MYO1E: variants seen among roughly 807,000 people sequenced by gnomAD.
The protein encoded by MYO1E is unconventional myosin-Ie.
In MYO1E, 68 loss-of-function variants were observed where a neutral mutation model predicts 151.1. That is an observed-to-expected ratio of 0.45 (90% confidence interval 0.37 to 0.55). MYO1E has a LOEUF of 0.55. Ranked by LOEUF, MYO1E falls within the 20% of genes least tolerant of loss-of-function variation. The pLI, the probability that MYO1E is intolerant of heterozygous loss-of-function variation, is 0.00. For synonymous variants in MYO1E, 601 were observed against 501.7 expected (o/e 1.20, Z -2.64); for missense variants, 1,363 against 1,389.3 (o/e 0.98, Z 0.30).
Position 59,161,037 on chromosome 15 carries a change from C to T in MYO1E, c.2785+36G>A, listed in dbSNP as rs7182408. On this transcript the variant is annotated intron_variant, in intron 24 of 27. Coordinates refer to ENST00000288235, the MANE Select transcript of MYO1E (RefSeq NM_004998.4). ...TTGCTCGGGAGACTCGGGGGAGCGGCGGCAGTTCTGCCTGCAGGGCCCGTG... is the reference window on the plus strand; with the variant it reads ...TTGCTCGGGAGACTCGGGGGAGCGGTGGCAGTTCTGCCTGCAGGGCCCGTG... 0.11 allele frequency: 175,712 copies of T among 1,611,058 alleles called. 10,117 individuals are homozygous for T. The highest frequency in any genetic ancestry group is 0.15 in the African/African-American group (11,148 of 74,866).
At chr15:59,143,699 G>A (rs1323985608) in intron 26 of MYO1E, among the ~76,000 whole-genome samples, 1 of 152,306 alleles carries the variant, frequency 6.6e-6, no homozygotes, top group East Asian at 1.9e-4. Flanking sequence ...GATGACTGAT[G>A]CAGGCTCCTG....
intron 5 of MYO1E, among the ~76,000 whole-genome samples, chr15:59,236,363 A>AAT (rs1344132868): frequency 6.6e-5 from 4 of 60,816 alleles, no homozygotes; most frequent in African/African-American, 1.4e-4. Context: ...AAAAAAAAAA[A>AAT]ATATATACAC....
At chr15:59,215,507 G>A (rs985423681) in intron 10 of MYO1E, among the ~76,000 whole-genome samples, 1 of 152,096 alleles carries the variant, frequency 6.6e-6, no homozygotes, top group Non-Finnish European at 1.5e-5. Context: ...CAATTCATGG[G>A]AACAGATGTA....
In MYO1E at chr15:59,276,477, G is replaced by A. The variant is rs115638928; in HGVS notation, c.4-4028C>T. ...AACGTAATAATAACAATAATGAAAA[G>A]TTACTCTTATCCCTGACACTTCCTA... is the stretch of plus-strand genomic sequence containing the variant. On this transcript the variant is annotated intron_variant, in intron 1 of 27. Transcript: ENST00000288235. 5.5e-3 allele frequency among the ~76,000 whole-genome samples: 843 copies of A among 152,252 alleles called. 8 individuals carry two copies. Among genetic ancestry groups the A allele is most frequent in the African/African-American group, 0.02 (813 of 41,542 alleles).
intron 14 of MYO1E, chr15:59,207,079 G>A (rs199634698): frequency 1.9e-6 from 3 of 1,614,222 alleles, no homozygotes; most frequent in East Asian, 2.2e-5. Context: ...CTTCACCCCC[G>A]TGAGCAAGAT....
At chr15:59,317,746 G>T (rs2080598376) in intron 1 of MYO1E, among the ~76,000 whole-genome samples, 1 of 152,170 alleles carries the variant, frequency 6.6e-6, no homozygotes, top group Non-Finnish European at 1.5e-5. Flanking sequence ...AGGGCCTAGG[G>T]GTGCTAAAGA....
intron 1 of MYO1E, among the ~76,000 whole-genome samples, chr15:59,293,751 C>A (rs998289627): frequency 1.3e-5 from 2 of 152,028 alleles, no homozygotes; most frequent in Non-Finnish European, 2.9e-5. Flanking sequence ...ACAAAAAACC[C>A]TGATATATGG....
At chr15:59,227,760 G>A (rs1289579386) in intron 6 of MYO1E, among the ~76,000 whole-genome samples, 170 bp from the exon 7 acceptor site, 1 of 152,136 alleles carries the variant, frequency 6.6e-6, no homozygotes, top group Admixed American at 6.5e-5. Context: ...ACAATAACCC[G>A]TGCTTTTGTC....
intron 14 of MYO1E, chr15:59,207,654 C>A (rs1461809070): frequency 2.5e-6 from 4 of 1,614,094 alleles, no homozygotes; most frequent in East Asian, 4.5e-5. Flanking sequence ...ATGGATGGAT[C>A]CTCGGAGAGC....
intron 1 of MYO1E, among the ~76,000 whole-genome samples, chr15:59,332,101 C>T (rs1169720034): frequency 2.0e-5 from 3 of 152,170 alleles, no homozygotes; most frequent in Non-Finnish European, 4.4e-5. Flanking sequence ...AGTAACTTAG[C>T]TTTTCCTTCC....
chr15:59,316,340 T>A (rs554299646), intron 1 of MYO1E, among the ~76,000 whole-genome samples: 153 of 152,290 alleles, frequency 1.0e-3, no homozygotes, highest in African/African-American at 3.6e-3. Context: ...TCCCTTGGCT[T>A]TGAAAAGCTT....
intron 7 of MYO1E, 50 bp downstream of exon 7, chr15:59,227,409 A>G: frequency 6.2e-7 from 1 of 1,608,262 alleles, no homozygotes; most frequent in South Asian, 1.1e-5. Context: ...GAAATATTTT[A>G]ATGTAGAGAA....
At chr15:59,328,757 T>G (rs909840006) in intron 1 of MYO1E, among the ~76,000 whole-genome samples, 1 of 152,064 alleles carries the variant, frequency 6.6e-6, no homozygotes, top group African/African-American at 2.4e-5. Context: ...ATGCAAGGCC[T>G]ATAGAGTTAA....
chr15:59,308,187 C>A (rs1413354740), intron 1 of MYO1E, among the ~76,000 whole-genome samples: 3 of 131,822 alleles, frequency 2.3e-5, no homozygotes, highest in Non-Finnish European at 4.7e-5. Flanking sequence ...CATGCCACTG[C>A]ACTCCAGCTT....
At chr15:59,308,140 C>G (rs140151316) in intron 1 of MYO1E, among the ~76,000 whole-genome samples, 1 of 147,124 alleles carries the variant, frequency 6.8e-6, no homozygotes. Flanking sequence ...TGAGAATCAC[C>G]TGAACCCAGG....
chr15:59,235,133 T>G (rs916556472), intron 5 of MYO1E, among the ~76,000 whole-genome samples: 1 of 152,152 alleles, frequency 6.6e-6, no homozygotes, highest in Non-Finnish European at 1.5e-5. Context: ...TTCCCAACAC[T>G]CCTTTACACT....
At chr15:59,329,680 T>C (rs1241572328) in intron 1 of MYO1E, among the ~76,000 whole-genome samples, 1 of 152,196 alleles carries the variant, frequency 6.6e-6, no homozygotes, top group East Asian at 1.9e-4. Flanking sequence ...CGTCAAATGC[T>C]GGACAGGCCA....
chr15:59,249,568 C>G (rs1212502168), intron 4 of MYO1E, among the ~76,000 whole-genome samples: 1 of 152,108 alleles, frequency 6.6e-6, no homozygotes, highest in Non-Finnish European at 1.5e-5. Context: ...TTATGGGCTG[C>G]ATTATGCCAT....
rs145613469 is a variant in MYO1E at position 59,263,539 on chromosome 15, T to C, written c.148-2030A>G. On this transcript the variant is annotated intron_variant, in intron 2 of 27. Transcript: ENST00000288235. ...ATACAAATCAATGTGAGATGGATCA[T>C]ATAATCATATAATTTTTTTAAAGAT... 7.9e-5 allele frequency among the ~76,000 whole-genome samples: 12 copies of C among 152,330 alleles called. No individual in the cohort carries two copies. In the East Asian group the frequency reaches 9.6e-4, roughly 12 times the overall value.
Sources: allele counts gnomAD v4.1 joint callset (sites outside exome capture counted in the v4.1 genomes callset), GRCh38; gene constraint gnomAD v4.1.1; transcripts MANE v1.5; gene names NCBI Gene and HGNC (gene_info 2026-07-23, HGNC 2026-07-21).